CPNE2: variants seen among roughly 807,000 people sequenced by gnomAD.
CPNE2 encodes copine-2.
CPNE2 carries 42 observed loss-of-function variants against 69.7 expected under a neutral mutation model. That is an observed-to-expected ratio of 0.60 (90% CI 0.47 to 0.78). CPNE2 has a LOEUF of 0.78. CPNE2 is among the 30% of genes least tolerant of loss of function. The probability of loss-of-function intolerance (pLI) is 0.00; values close to 1 mark genes in which losing one functional copy is unlikely to be tolerated. For missense variants in CPNE2, 587 were observed against 732.0 expected (o/e 0.80, Z 2.29); for synonymous variants, 294 against 289.8 (o/e 1.01, Z -0.15).
chr16:57,107,619 G>T (rs1014140888), intron 1 of CPNE2, among the ~76,000 whole-genome samples: 3 of 152,186 alleles, frequency 2.0e-5, no homozygotes, highest in Non-Finnish European at 4.4e-5. Context: ...CTCCTCACTG[G>T]TCTCTCTGCT....
intron 10 of CPNE2, 87 bp from the exon 11 acceptor site, chr16:57,125,773 T>G: frequency 6.5e-7 from 1 of 1,530,490 alleles, no homozygotes; most frequent in African/African-American, 1.4e-5. Flanking sequence ...GCTTCCCATG[T>G]CCCATCTACC....
At chr16:57,114,648 G>T (rs531401283) in intron 3 of CPNE2, among the ~76,000 whole-genome samples, 9 of 152,260 alleles carry the variant, frequency 5.9e-5, no homozygotes, top group Middle Eastern at 3.4e-3. Context: ...GACGACGCTC[G>T]CACTGCACCC....
chr16:57,125,215 C>A (rs1273432630), intron 10 of CPNE2: 11 of 449,178 alleles, frequency 2.4e-5, no homozygotes, highest in South Asian at 1.7e-4. Context: ...AGCCCTAGTC[C>A]CTGCCTGCCC....
intron 1 of CPNE2, among the ~76,000 whole-genome samples, chr16:57,100,302 G>T (rs1299584327): frequency 2.0e-5 from 3 of 152,200 alleles, no homozygotes; most frequent in Non-Finnish European, 2.9e-5. Flanking sequence ...TGCAGAATTA[G>T]GGAGGCACGA....
chr16:57,121,426 G>C (rs771634983), intron 8 of CPNE2, among the ~76,000 whole-genome samples: 1 of 152,212 alleles, frequency 6.6e-6, no homozygotes, highest in Non-Finnish European at 1.5e-5. Flanking sequence ...GCAGTCAGGA[G>C]CTATCCATTT....
intron 5 of CPNE2, among the ~76,000 whole-genome samples, chr16:57,118,425 G>A (rs1371401009): frequency 2.7e-5 from 4 of 150,858 alleles, no homozygotes; most frequent in African/African-American, 9.7e-5. Flanking sequence ...CGCCTACCTC[G>A]GCCTCCCAAA....
chr16:57,121,350 TG>T (rs2069760741), intron 8 of CPNE2, among the ~76,000 whole-genome samples, 159 bp downstream of exon 8: 1 of 152,116 alleles, frequency 6.6e-6, no homozygotes, highest in African/African-American at 2.4e-5. Flanking sequence ...CATCTGTCAA[TG>T]GGGGCAGAGG....
intron 1 of CPNE2, among the ~76,000 whole-genome samples, chr16:57,102,898 G>A (rs1017032411): frequency 6.6e-6 from 1 of 151,972 alleles, no homozygotes; most frequent in Non-Finnish European, 1.5e-5. Context: ...CACCATGCCC[G>A]GCCCTCTCAA....
intron 1 of CPNE2, among the ~76,000 whole-genome samples, chr16:57,109,090 G>A (rs1474940714): frequency 6.6e-6 from 1 of 152,156 alleles, no homozygotes; most frequent in African/African-American, 2.4e-5. Flanking sequence ...CAGGAAAGGG[G>A]TCCCGATCCA....
chr16:57,101,950 C>CT (rs753148938), intron 1 of CPNE2, among the ~76,000 whole-genome samples: 11,965 of 143,224 alleles, frequency 0.084, 767 homozygotes, highest in African/African-American at 0.17. Context: ...ATTTCTTTTT[C>CT]TTTTTTTTTT....
At chr16:57,136,886 C>A (rs1327589411) in intron 13 of CPNE2, among the ~76,000 whole-genome samples, 1 of 152,218 alleles carries the variant, frequency 6.6e-6, no homozygotes, top group African/African-American at 2.4e-5. Context: ...TGCACTCCAG[C>A]CTGGGTGACA....
chr16:57,122,892 C>T (rs2069773219), intron 9 of CPNE2, among the ~76,000 whole-genome samples: 1 of 142,646 alleles, frequency 7.0e-6, no homozygotes, highest in Non-Finnish European at 1.5e-5. Context: ...TATACCTGGC[C>T]TGTTTCTTTT....
At chr16:57,125,751 G>A (rs1239943887) in intron 10 of CPNE2, 109 bp from the exon 11 acceptor site, 38 of 1,365,412 alleles carry the variant, frequency 2.8e-5, no homozygotes, top group Non-Finnish European at 3.8e-5. Flanking sequence ...GGGAGGGCTG[G>A]GAGATGAGTG....
intron 6 of CPNE2, 68 bp downstream of exon 6, chr16:57,119,346 A>G: frequency 6.6e-7 from 1 of 1,515,358 alleles, no homozygotes; most frequent in Non-Finnish European, 9.1e-7. Context: ...ACAGCTCTGA[A>G]AAAGGGAGGT....
chr16:57,137,104 G>A lies in CPNE2; in HGVS notation c.1169-45G>A, dbSNP rs767724992. 3.1e-6 allele frequency: 5 copies of A among 1,603,176 alleles called. No individual in the cohort carries two copies. In the African/African-American group the frequency reaches 5.4e-5, roughly 17 times the overall value. On this transcript the variant is annotated intron_variant, in intron 13 of 15. Transcript: ENST00000290776. Reference sequence around the variant, plus strand: ...TCAGCAGTGAGATGAGAGTGGGTATGGGGTCAGGGAGACCTGGCTGATCCA... The same window carrying A: ...TCAGCAGTGAGATGAGAGTGGGTATAGGGTCAGGGAGACCTGGCTGATCCA...
intron 10 of CPNE2, chr16:57,125,080 C>T: frequency 3.0e-6 from 1 of 330,584 alleles, no homozygotes; most frequent in African/African-American, 2.1e-5. Context: ...TCCCATGTAG[C>T]CAAATCTTCC....
At chr16:57,101,149 A>G (rs1293214085) in intron 1 of CPNE2, among the ~76,000 whole-genome samples, 1 of 152,220 alleles carries the variant, frequency 6.6e-6, no homozygotes, top group Non-Finnish European at 1.5e-5. Flanking sequence ...TGCAGCATAG[A>G]AACCCTGCCT....
At chr16:57,121,259 G>A (rs2069760079) in intron 8 of CPNE2, 68 bp downstream of exon 8, 2 of 1,390,928 alleles carry the variant, frequency 1.4e-6, no homozygotes, top group East Asian at 2.3e-5. Context: ...ACCGGGTCTT[G>A]GGTCAGGCAG....
rs535228949 is a variant in CPNE2, at chr16:57,110,274, G to C, written c.-35-434G>C. Among the ~76,000 whole-genome samples, 11 of 148,668 alleles carry C rather than the reference G, an allele frequency of 7.4e-5. No homozygotes were observed. The South Asian group carries it at 2.3e-3, about 31-fold the overall frequency. The stretch of plus-strand genomic sequence containing the variant: ...GTATCATTCTGTCGCCTAGGCTGGA[G>C]TGCAGAGACGTGCAATCACGGCTCA... On this transcript the variant is annotated intron_variant, in intron 1 of 15. Coordinates refer to ENST00000290776, the MANE Select transcript of CPNE2 (RefSeq NM_152727.6).
Sources: gnomAD v4.1 joint callset for allele counts (sites outside exome capture counted in the v4.1 genomes callset) on GRCh38, gnomAD v4.1.1 for gene constraint, MANE v1.5 for transcripts, NCBI Gene and HGNC (gene_info 2026-07-23, HGNC 2026-07-21) for gene names.